CCSER1: variants seen among roughly 807,000 people sequenced by gnomAD.
CCSER1 encodes the protein coiled-coil serine rich protein 1.
Under a neutral mutation model 82.0 loss-of-function variants are expected in CCSER1, and 41 were observed. That is an observed-to-expected ratio of 0.50 (90% CI 0.39 to 0.65). The LOEUF is 0.65. Among genes scored for constraint, CCSER1 ranks in the 30% least tolerant of loss-of-function variants. The probability of loss-of-function intolerance (pLI) is 0.00; values close to 1 mark genes in which losing one functional copy is unlikely to be tolerated. For missense variants in CCSER1, 1,119 were observed against 1,064.2 expected (o/e 1.05, Z -0.72); for synonymous variants, 414 against 383.9 (o/e 1.08, Z -0.92).
intron 10 of CCSER1, among the ~76,000 whole-genome samples, chr4:91,419,466 G>A (rs1319828202): frequency 6.6e-6 from 1 of 152,000 alleles, no homozygotes; most frequent in Non-Finnish European, 1.5e-5. Flanking sequence ...AGTTACAGTA[G>A]CATCGACGAT....
intron 10 of CCSER1, among the ~76,000 whole-genome samples, chr4:91,155,801 G>A (rs1028419786): frequency 2.0e-5 from 3 of 151,808 alleles, no homozygotes; most frequent in African/African-American, 7.2e-5. Flanking sequence ...AAAAATTAAT[G>A]TAACATCGAT....
At chr4:90,754,690 A>T (rs1425161978) in intron 7 of CCSER1, among the ~76,000 whole-genome samples, 1 of 152,196 alleles carries the variant, frequency 6.6e-6, no homozygotes, top group African/African-American at 2.4e-5. Flanking sequence ...TCCCTTAACT[A>T]CATCAAATCT....
At chr4:90,711,726 T>C (rs2149327799) in intron 6 of CCSER1, among the ~76,000 whole-genome samples, 1 of 151,676 alleles carries the variant, frequency 6.6e-6, no homozygotes, top group Non-Finnish European at 1.5e-5. Flanking sequence ...GCTGGATTTT[T>C]TTTTTTTTGT....
intron 9 of CCSER1, among the ~76,000 whole-genome samples, chr4:91,054,697 T>A (rs905409735): frequency 6.7e-6 from 1 of 149,590 alleles, no homozygotes; most frequent in Non-Finnish European, 1.5e-5. Context: ...TATCTCAGAT[T>A]TGAGATTTTT....
intron 5 of CCSER1, among the ~76,000 whole-genome samples, chr4:90,491,354 T>A (rs879729452): frequency 1.9e-4 from 29 of 152,208 alleles, no homozygotes; most frequent in Non-Finnish European, 3.5e-4. Flanking sequence ...CTTGTGATTT[T>A]CGCACATTGA....
At chr4:91,568,426 T>C (rs1485075739) in intron 10 of CCSER1, among the ~76,000 whole-genome samples, 2 of 152,180 alleles carry the variant, frequency 1.3e-5, no homozygotes, top group Non-Finnish European at 2.9e-5. Context: ...TCATGGACGA[T>C]ATCCTGAATT....
intron 10 of CCSER1, among the ~76,000 whole-genome samples, chr4:91,388,781 G>A (rs1027923134): frequency 4.0e-5 from 6 of 151,880 alleles, no homozygotes; most frequent in South Asian, 4.1e-4. Context: ...GGTAGTGTCC[G>A]TCTTCTAACT....
intron 4 of CCSER1, among the ~76,000 whole-genome samples, chr4:90,420,713 TAAC>T (rs1260804289): frequency 6.6e-6 from 1 of 152,078 alleles, no homozygotes; most frequent in Admixed American, 6.5e-5. Context: ...TAGTATTAAA[TAAC>T]AACAATTTTA....
intron 9 of CCSER1, among the ~76,000 whole-genome samples, chr4:91,079,653 T>A (rs1233110848): frequency 6.6e-6 from 1 of 152,252 alleles, no homozygotes; most frequent in East Asian, 1.9e-4. Flanking sequence ...GACCCATCAG[T>A]GTGCTGAATT....
intron 7 of CCSER1, among the ~76,000 whole-genome samples, chr4:90,814,015 C>G (rs1423980388): frequency 6.6e-6 from 1 of 152,216 alleles, no homozygotes; most frequent in Non-Finnish European, 1.5e-5. Flanking sequence ...CCTGAACATC[C>G]AGGCATTTCC....
At chr4:90,811,930 C>T (rs1233422270) in intron 7 of CCSER1, among the ~76,000 whole-genome samples, 1 of 128,604 alleles carries the variant, frequency 7.8e-6, no homozygotes, top group Non-Finnish European at 1.7e-5. Flanking sequence ...CACACACACA[C>T]ACACATATAT....
In CCSER1 at chr4:91,384,985, G is replaced by C. The variant is rs904019842; in HGVS notation, c.2218-213587G>C. On this transcript the variant is annotated intron_variant, in intron 10 of 10. Transcript: ENST00000509176. ...AGTCATTCTCATGCATTGCATCTGG[G>C]AATGAAGAGTAGTGAAACCCTATGG... Among the ~76,000 whole-genome samples the C allele has an allele frequency of 4.6e-5, 7 of 152,122 alleles. No homozygotes were observed. The East Asian group carries it at 1.4e-3, about 29-fold the overall frequency.
chr4:91,300,777 G>T (rs536536739), intron 10 of CCSER1, among the ~76,000 whole-genome samples: 1 of 151,934 alleles, frequency 6.6e-6, no homozygotes, highest in African/African-American at 2.4e-5. Context: ...TCGCCAAAGA[G>T]AATTTTCAAA....
chr4:90,414,013 T>TATATATATATATATATATATATATA (rs1755422871), intron 4 of CCSER1, among the ~76,000 whole-genome samples: 2 of 121,286 alleles, frequency 1.6e-5, no homozygotes, highest in East Asian at 2.6e-4. Context: ...TATATATATC[T>TATATATATATATATATATATATATA]TCTTCCTAAA....
intron 9 of CCSER1, among the ~76,000 whole-genome samples, chr4:91,052,593 A>C (rs1219932423): frequency 6.6e-6 from 1 of 152,216 alleles, no homozygotes; most frequent in Admixed American, 6.5e-5. Flanking sequence ...TGATAGCAAA[A>C]GATGCAGGAG....
intron 10 of CCSER1, among the ~76,000 whole-genome samples, chr4:91,397,849 A>G (rs191950445): frequency 4.3e-4 from 65 of 152,176 alleles, no homozygotes; most frequent in Non-Finnish European, 6.8e-4. Flanking sequence ...ACAGAATAAC[A>G]TGAAATGATC....
intron 1 of CCSER1, among the ~76,000 whole-genome samples, chr4:90,297,421 T>C (rs1322887342): frequency 6.6e-6 from 1 of 151,416 alleles, no homozygotes; most frequent in East Asian, 1.9e-4. Context: ...TCTAGATATA[T>C]AATCATGTCA....
intron 4 of CCSER1, among the ~76,000 whole-genome samples, chr4:90,421,026 C>T (rs1021173211): frequency 2.6e-5 from 4 of 152,016 alleles, no homozygotes; most frequent in African/African-American, 7.2e-5. Flanking sequence ...AGAAAGCAAA[C>T]GCTGGTCTTT....
At chr4:91,187,193 G>A (rs116539861) in intron 10 of CCSER1, among the ~76,000 whole-genome samples, 75 of 152,320 alleles carry the variant, frequency 4.9e-4, no homozygotes, top group Non-Finnish European at 6.3e-4. Flanking sequence ...AATGAAACCC[G>A]TACCTCAGTT....
Sources: gnomAD v4.1 joint callset for allele counts (sites outside exome capture counted in the v4.1 genomes callset) on GRCh38, gnomAD v4.1.1 for gene constraint, MANE v1.5 for transcripts, NCBI Gene and HGNC (gene_info 2026-07-23, HGNC 2026-07-21) for gene names.